Variants in PTPRQ observed in about 807,000 individuals in gnomAD.
PTPRQ encodes phosphatidylinositol phosphatase PTPRQ.
Under a neutral mutation model 246.0 loss-of-function variants are expected in PTPRQ, and 199 were observed. That is an observed-to-expected ratio of 0.81 (90% confidence interval 0.72 to 0.91). The LOEUF is 0.91. Ranked by LOEUF, PTPRQ falls within the 40% of genes least tolerant of loss-of-function variation. The pLI is 0.00. For missense variants in PTPRQ, 2,624 were observed against 2,528.4 expected (o/e 1.04, Z -0.81); for synonymous variants, 869 against 853.2 (o/e 1.02, Z -0.32).
intron 25 of PTPRQ, among the ~76,000 whole-genome samples, chr12:80,553,108 T>C (rs926442929): frequency 4.6e-5 from 7 of 152,100 alleles, no homozygotes; most frequent in African/African-American, 1.7e-4. Context: ...ATGAATTGTT[T>C]TCTTCTAAAA....
rs377698467 is a variant in PTPRQ, at chr12:80,495,057, A to T, written c.1665A>T (p.Gly555=). 1.9e-6 allele frequency: 3 copies of T among 1,550,548 alleles called. No homozygotes were observed. Among genetic ancestry groups the T allele is most frequent in the African/African-American group, 2.7e-5 (2 of 73,058 alleles). Residue 555 remains glycine, a synonymous_variant, in exon 11 of 45, where the codon GGA becomes GGT. Transcript: ENST00000644991. ...CTGCTTTCACCATCATGGGAGAAGG[A>T]CCACCAACAGTTCTCAGTGTTAGGA... ...SVSAFTIMGE[G]PPTVLSVRTR...
chr12:80,623,044 G>T (rs1260612820), intron 33 of PTPRQ, among the ~76,000 whole-genome samples: 1 of 152,068 alleles, frequency 6.6e-6, no homozygotes, highest in Non-Finnish European at 1.5e-5. Flanking sequence ...TTAAAGAATT[G>T]CATGAACAGG....
chr12:80,571,141 G>A (rs1414876270), intron 25 of PTPRQ, among the ~76,000 whole-genome samples: 1 of 152,078 alleles, frequency 6.6e-6, no homozygotes, highest in Non-Finnish European at 1.5e-5. Context: ...TAGCTTCAAG[G>A]GGGATAGCAC....
intron 25 of PTPRQ, among the ~76,000 whole-genome samples, chr12:80,571,218 CACTGCA>C (rs1343914072): frequency 2.0e-5 from 3 of 152,154 alleles, no homozygotes; most frequent in Admixed American, 6.5e-5. Flanking sequence ...GATCTTGGCT[CACTGCA>C]ACCTCTGCCT....
At chr12:80,662,977 C>T (rs1900678422) in intron 39 of PTPRQ, among the ~76,000 whole-genome samples, 1 of 151,942 alleles carries the variant, frequency 6.6e-6, no homozygotes, top group Non-Finnish European at 1.5e-5. Flanking sequence ...ATGGAAATAT[C>T]TCCAAAACAC....
intron 37 of PTPRQ, 142 bp downstream of exon 37, chr12:80,649,811 A>C (rs1479018082): frequency 1.6e-6 from 2 of 1,281,980 alleles, no homozygotes; most frequent in African/African-American, 3.0e-5. Context: ...GATTGTTTTG[A>C]TAGTAATGTT....
intron 9 of PTPRQ, among the ~76,000 whole-genome samples, chr12:80,485,360 CT>C (rs1162916848): frequency 6.6e-6 from 1 of 152,160 alleles, no homozygotes. Context: ...AAAGAATAAA[CT>C]TCCTTAGGAC....
At chr12:80,616,086 T>A in intron 29 of PTPRQ, 114 bp from the exon 30 acceptor site, 1 of 538,052 alleles carries the variant, frequency 1.9e-6, no homozygotes, top group Non-Finnish European at 2.6e-6. Context: ...GTTTTATATA[T>A]ATATATATAA....
At chr12:80,446,819 A>G (rs1041608474) in intron 3 of PTPRQ, among the ~76,000 whole-genome samples, 1 of 151,728 alleles carries the variant, frequency 6.6e-6, no homozygotes, top group Non-Finnish European at 1.5e-5. Context: ...CTTTACCCAT[A>G]TGATAGATAC....
intron 33 of PTPRQ, among the ~76,000 whole-genome samples, chr12:80,629,676 G>T (rs576344220): frequency 9.2e-5 from 14 of 152,182 alleles, no homozygotes; most frequent in African/African-American, 3.1e-4. Flanking sequence ...GAGATGAGGA[G>T]GATTTTAAGC....
chr12:80,615,133 T>C (rs1204720654), intron 29 of PTPRQ, among the ~76,000 whole-genome samples: 1 of 151,046 alleles, frequency 6.6e-6, no homozygotes, highest in East Asian at 1.9e-4. Context: ...ACTTAAATGT[T>C]AGATTCTACC....
At position 80,546,711 on chromosome 12, in the gene PTPRQ, T is replaced by C; in HGVS notation, c.4015+14T>C. On this transcript the variant is annotated intron_variant, in intron 24 of 44. Coordinates refer to ENST00000644991, the MANE Select transcript of PTPRQ (RefSeq NM_001145026.2). ...CCCAAGAATCAGGTTAGATACAGTT[T>C]TTGAGCCTAAAATGTTTCTTTTTAT... 2 of 1,542,878 alleles carry C rather than the reference T, an allele frequency of 1.3e-6. No homozygotes were observed. The highest frequency in any genetic ancestry group is 1.7e-6 in the Non-Finnish European group (2 of 1,144,620).
At chr12:80,487,419 TG>T (rs1894314240) in intron 9 of PTPRQ, among the ~76,000 whole-genome samples, 1 of 152,106 alleles carries the variant, frequency 6.6e-6, no homozygotes, top group African/African-American at 2.4e-5. Context: ...GCGGCTGACT[TG>T]AAGTCTTGGT....
At chr12:80,565,790 A>G (rs1167521685) in intron 25 of PTPRQ, among the ~76,000 whole-genome samples, 5 of 152,230 alleles carry the variant, frequency 3.3e-5, no homozygotes, top group Admixed American at 2.6e-4. Flanking sequence ...AAGGATTTGA[A>G]CAGATAGAAG....
intron 38 of PTPRQ, among the ~76,000 whole-genome samples, chr12:80,654,476 G>C (rs1054520226): frequency 1.3e-5 from 2 of 152,046 alleles, no homozygotes; most frequent in African/African-American, 4.8e-5. Flanking sequence ...ATGCTTATTT[G>C]GTGATATTCT....
At position 80,527,572 on chromosome 12, in the gene PTPRQ, A is replaced by G. The variant is rs546618377; in HGVS notation, c.2679-6443A>G. On this transcript the variant is annotated intron_variant, in intron 17 of 44. Transcript: ENST00000644991. ...TATAGAAGCTAAATTAAAAATTTAC[A>G]AAAGAGAAAAACAAAACTAATAAGT... 5.3e-5 allele frequency among the ~76,000 whole-genome samples: 8 copies of G among 152,290 alleles called. No individual in the cohort carries two copies. The South Asian group carries it at 1.4e-3, about 28-fold the overall frequency.
intron 12 of PTPRQ, 127 bp from the exon 13 acceptor site, chr12:80,495,872 T>C: frequency 1.7e-6 from 2 of 1,149,614 alleles, no homozygotes; most frequent in African/African-American, 3.2e-5. Context: ...GAGACTGCAA[T>C]TATTTGGAAG....
chr12:80,636,336 G>T (rs920121439), intron 35 of PTPRQ, among the ~76,000 whole-genome samples: 3 of 152,174 alleles, frequency 2.0e-5, no homozygotes, highest in African/African-American at 7.2e-5. Flanking sequence ...ATCAATAAAA[G>T]ATTCCCAGGG....
At chr12:80,524,390 C>T (rs1895615633) in intron 17 of PTPRQ, among the ~76,000 whole-genome samples, 3 of 152,068 alleles carry the variant, frequency 2.0e-5, no homozygotes, top group Non-Finnish European at 4.4e-5. Context: ...TTGCCTGCTG[C>T]CATGATTGTG....
Sources: gnomAD v4.1 joint callset for allele counts (sites outside exome capture counted in the v4.1 genomes callset) on GRCh38, gnomAD v4.1.1 for gene constraint, MANE v1.5 for transcripts, NCBI Gene and HGNC (gene_info 2026-07-23, HGNC 2026-07-21) for gene names.